Variants in SEC31A observed in about 807,000 individuals in gnomAD.
The protein encoded by SEC31A is SEC31 homolog A, COPII component, also known as protein transport protein Sec31A.
Under a neutral mutation model 151.0 loss-of-function variants are expected in SEC31A, and 70 were observed. That is an observed-to-expected ratio of 0.46 (90% CI 0.38 to 0.57). The LOEUF (loss-of-function observed/expected upper bound fraction) is 0.57. SEC31A is among the 20% of genes least tolerant of loss of function. SEC31A has a pLI of 0.00. For missense variants in SEC31A, 1,330 were observed against 1,471.2 expected (o/e 0.90, Z 1.57); for synonymous variants, 475 against 505.9 (o/e 0.94, Z 0.82).
At position 82,838,874 on chromosome 4, in the gene SEC31A, G is replaced by C. The variant is rs1470948774; in HGVS notation, c.2968+3266C>G. On this transcript the variant is annotated intron_variant, in intron 22 of 26. Coordinates refer to ENST00000395310, the MANE Select transcript of SEC31A (RefSeq NM_001077207.4). ...TTTGTTGTTCACTAATAGAAGGCTT[G>C]AAAGTCTCTCCTATCTGTCAGAAAT... Among the ~76,000 whole-genome samples the C allele has an allele frequency of 5.2e-4, 79 of 152,196 alleles. 1 individual carries two copies. Among genetic ancestry groups the C allele is most frequent in the Admixed American group, 2.0e-4 (3 of 15,244 alleles).
Position 82,863,300 on chromosome 4 carries a change from A to C in SEC31A, c.1509+18T>G. The stretch of plus-strand genomic sequence containing the variant: ...TGATTCATAAAGAGCATGCCATCTA[A>C]CTTTCCCAAAAGTTTACCTTCTTTC... On this transcript the variant is annotated intron_variant, in intron 12 of 26. Coordinates refer to ENST00000395310, the MANE Select transcript of SEC31A (RefSeq NM_001077207.4). 6.8e-7 allele frequency: 1 copy of C among 1,463,844 alleles called. No individual in the cohort carries two copies. The highest frequency in any genetic ancestry group is 9.4e-7 in the Non-Finnish European group (1 of 1,062,736). The allele number at this position is 1,463,844 out of a possible 1,614,324, so 90.7% of individuals were successfully genotyped here.
intron 1 of SEC31A, among the ~76,000 whole-genome samples, chr4:82,883,810 C>CA (rs990981647): frequency 2.7e-4 from 41 of 149,800 alleles, no homozygotes; most frequent in South Asian, 8.4e-4. Context: ...GCCTGGGCGA[C>CA]AGAGTGAGAC....
intron 21 of SEC31A, chr4:82,843,596 A>G (rs1282802571): frequency 6.6e-6 from 1 of 152,184 alleles, no homozygotes; most frequent in Non-Finnish European, 1.5e-5. Context: ...GTTGTATCAA[A>G]TTCATATTTA....
intron 3 of SEC31A, among the ~76,000 whole-genome samples, chr4:82,897,391 G>A (rs984023309): frequency 6.6e-6 from 1 of 152,016 alleles, no homozygotes; most frequent in African/African-American, 2.4e-5. Flanking sequence ...TGAAAAATTC[G>A]GCAACACAAA....
chr4:82,827,917 GCTTT>G (rs1317652588), intron 23 of SEC31A, among the ~76,000 whole-genome samples: 71 of 151,004 alleles, frequency 4.7e-4, no homozygotes, highest in African/African-American at 1.6e-3. Context: ...TAAAACCATG[GCTTT>G]TTTTTTTTTT....
chr4:82,831,644 T>C (rs1274534411), intron 22 of SEC31A, among the ~76,000 whole-genome samples: 1 of 152,224 alleles, frequency 6.6e-6, no homozygotes, highest in Non-Finnish European at 1.5e-5. Context: ...GGTATCATTT[T>C]TCACTGCTGG....
chr4:82,882,606 C>T (rs1739644202), intron 1 of SEC31A, among the ~76,000 whole-genome samples: 1 of 151,946 alleles, frequency 6.6e-6, no homozygotes, highest in African/African-American at 2.4e-5. Flanking sequence ...CAAAACATTA[C>T]GGGTAAGAGC....
In SEC31A at chr4:82,881,948, G is replaced by A; in HGVS notation, c.-4-8C>T. On this transcript the variant is annotated splice_region_variant and splice_polypyrimidine_tract_variant and intron_variant, in intron 1 of 26. Transcript: ENST00000395310. ...TCCTTTAACTTCATCCTGCTAAAGG[G>A]AATATTTTATACAGAAACAGCCTTG... 1 of 1,608,322 alleles carries A rather than the reference G, an allele frequency of 6.2e-7. No homozygotes were observed. Among genetic ancestry groups the A allele is most frequent in the Non-Finnish European group, 8.5e-7 (1 of 1,174,800 alleles).
At chr4:82,887,219 A>T (rs889921886) in intron 1 of SEC31A, among the ~76,000 whole-genome samples, 2 of 152,238 alleles carry the variant, frequency 1.3e-5, no homozygotes, top group African/African-American at 4.8e-5. Context: ...AGTATTTCTA[A>T]GACCTAAGTA....
chr4:82,899,334 A>T (rs1345229768), intron 3 of SEC31A, among the ~76,000 whole-genome samples: 3 of 152,234 alleles, frequency 2.0e-5, no homozygotes, highest in African/African-American at 7.2e-5. Context: ...ACTTTAAACC[A>T]ATTAGTTGTG....
At chr4:82,835,597 A>G (rs932912799) in intron 22 of SEC31A, among the ~76,000 whole-genome samples, 6 of 152,148 alleles carry the variant, frequency 3.9e-5, no homozygotes, top group African/African-American at 1.4e-4. Context: ...GGAGTTCGAG[A>G]CTAGCCTGAC....
At chr4:82,892,110 C>CT (rs1210633511), upstream of SEC31A, among the ~76,000 whole-genome samples, 1 of 152,246 alleles carries the variant, frequency 6.6e-6, no homozygotes, top group Admixed American at 6.5e-5. Flanking sequence ...CTTGCAGCTT[C>CT]ATAAGACAGC....
At chr4:82,892,805 C>T (rs1002759391), upstream of SEC31A, among the ~76,000 whole-genome samples, 4 of 152,156 alleles carry the variant, frequency 2.6e-5, no homozygotes, top group Admixed American at 1.3e-4. Context: ...TTTCTCAGTA[C>T]TGTGGTAATG....
intron 1 of SEC31A, 84 bp downstream of exon 1, chr4:82,891,004 A>G: frequency 6.6e-7 from 1 of 1,522,166 alleles, no homozygotes; most frequent in Non-Finnish European, 8.8e-7. Context: ...GCGGAGACCC[A>G]GGCTGCGGTC....
chr4:82,891,736 A>C (rs564085352), upstream of SEC31A, among the ~76,000 whole-genome samples: 2 of 152,298 alleles, frequency 1.3e-5, no homozygotes, highest in Non-Finnish European at 2.9e-5. Flanking sequence ...TATTAATTCC[A>C]ATTAGTACCG....
chr4:82,873,757 CA>C (rs950319868), intron 6 of SEC31A, among the ~76,000 whole-genome samples: 1 of 151,458 alleles, frequency 6.6e-6, no homozygotes, highest in Non-Finnish European at 1.5e-5. Context: ...AACAAACAAA[CA>C]AAAAAAGCTC....
chr4:82,868,349 A>G (rs1735849967), intron 8 of SEC31A, among the ~76,000 whole-genome samples: 1 of 151,746 alleles, frequency 6.6e-6, no homozygotes, highest in South Asian at 2.1e-4. Context: ...AAAATACAAA[A>G]TATTGGCCAG....
At chr4:82,856,040 A>AT (rs1406938804) in intron 16 of SEC31A, among the ~76,000 whole-genome samples, 1 of 152,258 alleles carries the variant, frequency 6.6e-6, no homozygotes, top group Non-Finnish European at 1.5e-5. Context: ...GTTTATCACT[A>AT]TATAAACAAG....
rs150360776 is a variant in SEC31A, at chr4:82,849,974, G to A, written c.2329-997C>T. ...TTAGGCATATTTTATTTGCCTTTTGGGGGGGAGAATTATATATTACAATGC... is the reference window on the plus strand; with the variant it reads ...TTAGGCATATTTTATTTGCCTTTTGAGGGGGAGAATTATATATTACAATGC... On this transcript the variant is annotated intron_variant, in intron 19 of 26. Transcript: ENST00000395310. 2.0e-5 allele frequency among the ~76,000 whole-genome samples: 3 copies of A among 151,926 alleles called. No homozygotes were observed. The East Asian group carries it at 5.8e-4, about 29-fold the overall frequency.
Sources: allele counts gnomAD v4.1 joint callset (sites outside exome capture counted in the v4.1 genomes callset), GRCh38; gene constraint gnomAD v4.1.1; transcripts MANE v1.5; gene names NCBI Gene and HGNC (gene_info 2026-07-23, HGNC 2026-07-21).